Variants in CDH7 observed in about 807,000 individuals in gnomAD.
CDH7 encodes the protein cadherin 7, also known as cadherin-7.
Under a neutral mutation model 71.8 loss-of-function variants are expected in CDH7, and 25 were observed. The observed-to-expected ratio is 0.35, with a 90% CI of 0.25 to 0.49. The LOEUF is 0.49. Ranked by LOEUF, CDH7 falls within the 20% of genes least tolerant of loss-of-function variation. The pLI is 0.99. For missense variants in CDH7, 862 were observed against 974.6 expected, an observed-to-expected ratio of 0.88 and a Z score of 1.54; for synonymous variants, 381 against 363.8, an observed-to-expected ratio of 1.05 and a Z score of -0.54.
chr18:65,821,025 T>C (rs1599029393), intron 4 of CDH7, among the ~76,000 whole-genome samples: 2 of 152,220 alleles, frequency 1.3e-5, no homozygotes, highest in East Asian at 3.9e-4. Flanking sequence ...TTTTTTCATA[T>C]AAATGAAATA....
At chr18:65,796,454 C>T (rs1910918393) in intron 2 of CDH7, among the ~76,000 whole-genome samples, 1 of 152,192 alleles carries the variant, frequency 6.6e-6, no homozygotes. Context: ...AGAACTCAGT[C>T]TCCCATGCCT....
intron 11 of CDH7, among the ~76,000 whole-genome samples, chr18:65,877,909 G>A (rs1449264203): frequency 1.3e-5 from 2 of 152,034 alleles, no homozygotes; most frequent in African/African-American, 4.8e-5. Flanking sequence ...TTTCATACTT[G>A]TCAACTTTAG....
chr18:65,750,582 T>A (rs1356786903), upstream of CDH7: 3 of 152,134 alleles, frequency 2.0e-5, no homozygotes, highest in Admixed American at 6.5e-5. Context: ...GGTGCGCGCG[T>A]GTGTGTGTGC....
chr18:65,776,618 C>G (rs1477464351), intron 2 of CDH7, among the ~76,000 whole-genome samples: 4 of 152,104 alleles, frequency 2.6e-5, no homozygotes, highest in African/African-American at 9.7e-5. Context: ...TTCTCTCACT[C>G]TCTCTCCTTC....
At chr18:65,863,027 A>C (rs1052615972) in intron 11 of CDH7, 110 bp downstream of exon 11, 187 of 1,229,092 alleles carry the variant, frequency 1.5e-4, no homozygotes, top group Non-Finnish European at 1.9e-4. Context: ...ATTCTACTGG[A>C]TGGTGTTTGT....
At chr18:65,774,235 C>T (rs530426434) in intron 2 of CDH7, among the ~76,000 whole-genome samples, 1 of 151,770 alleles carries the variant, frequency 6.6e-6, no homozygotes, top group South Asian at 2.1e-4. Flanking sequence ...TTGAGGAAAA[C>T]AATCTAAGAA....
At chr18:65,870,746 T>A (rs1373842486) in intron 11 of CDH7, among the ~76,000 whole-genome samples, 1 of 152,190 alleles carries the variant, frequency 6.6e-6, no homozygotes, top group Non-Finnish European at 1.5e-5. Flanking sequence ...AGGAGTGTCC[T>A]AAGCACCATT....
chr18:65,825,211 C>G (rs1289402704), intron 6 of CDH7, among the ~76,000 whole-genome samples: 1 of 151,854 alleles, frequency 6.6e-6, no homozygotes, highest in Non-Finnish European at 1.5e-5. Flanking sequence ...CTATTATTTT[C>G]TCCATAAATG....
At chr18:65,830,749 C>G (rs954117200) in intron 6 of CDH7, among the ~76,000 whole-genome samples, 1 of 98,088 alleles carries the variant, frequency 1.0e-5, no homozygotes. Context: ...CTTTCTTCCT[C>G]TTTCTTTTCT....
intron 11 of CDH7, among the ~76,000 whole-genome samples, chr18:65,874,419 A>T (rs548606943): frequency 5.9e-5 from 9 of 152,008 alleles, no homozygotes; most frequent in African/African-American, 1.2e-4. Flanking sequence ...AAGTAGCCTT[A>T]GAAAGCCAAA....
intron 2 of CDH7, among the ~76,000 whole-genome samples, chr18:65,779,849 T>C (rs1910113180): frequency 1.4e-5 from 1 of 70,688 alleles, no homozygotes; most frequent in African/African-American, 1.2e-4. Context: ...AAATGGTATT[T>C]CTAGTTCTAG....
At chr18:65,856,083 A>G (rs959456601) in intron 7 of CDH7, among the ~76,000 whole-genome samples, 3 of 152,030 alleles carry the variant, frequency 2.0e-5, no homozygotes, top group African/African-American at 7.2e-5. Context: ...GGCAGCACCA[A>G]CTCACCATCC....
In CDH7 at chr18:65,882,876, AG is replaced by A. The variant is rs1343723368; in HGVS notation, c.*1983del. ...TGGTGCAGGAATTACAGAGTTGTTA[AG>A]TCAGCAAGGTGCTGAGAAAACAGTT... On this transcript the variant is annotated 3_prime_UTR_variant, in exon 12 of 12. Coordinates refer to ENST00000397968, the MANE Select transcript of CDH7 (RefSeq NM_004361.5). The A allele has an allele frequency of 6.6e-6, 1 of 152,142 alleles. No homozygotes were observed. Among genetic ancestry groups the A allele is most frequent in the African/African-American group, 2.4e-5 (1 of 41,458 alleles). The allele number at this position is 152,142 out of a possible 1,614,324, so 9.4% of individuals were successfully genotyped here.
chr18:65,806,773 C>T (rs1471769), intron 2 of CDH7, among the ~76,000 whole-genome samples: 91,747 of 151,940 alleles, frequency 0.6, 29,367 homozygotes, highest in East Asian at 0.97. Context: ...TTGCTGAGCA[C>T]TCTTTTTCAT....
chr18:65,799,436 G>A (rs1051783182), intron 2 of CDH7, among the ~76,000 whole-genome samples: 4 of 152,146 alleles, frequency 2.6e-5, no homozygotes, highest in African/African-American at 9.7e-5. Flanking sequence ...CCAGCACTTT[G>A]GGAGGCCGAG....
chr18:65,795,722 CAT>C (rs1345629740), intron 2 of CDH7, among the ~76,000 whole-genome samples: 1 of 152,090 alleles, frequency 6.6e-6, no homozygotes, highest in Non-Finnish European at 1.5e-5. Context: ...GTTCAGGTAA[CAT>C]ATTATATTGA....
chr18:65,835,668 G>A (rs369501062), intron 6 of CDH7, among the ~76,000 whole-genome samples: 1 of 152,170 alleles, frequency 6.6e-6, no homozygotes, highest in Admixed American at 6.5e-5. Flanking sequence ...GCGTAGTAAG[G>A]GAATTGGCCT....
At chr18:65,784,173 A>G (rs954853056) in intron 2 of CDH7, among the ~76,000 whole-genome samples, 1 of 142,778 alleles carries the variant, frequency 7.0e-6, no homozygotes, top group Non-Finnish European at 1.5e-5. Flanking sequence ...TTTGCTCTCA[A>G]ATCTCTAGGC....
rs2144083738 is a variant in CDH7 at position 65,885,884 on chromosome 18, T to C, written c.*4990T>C. On this transcript the variant is annotated 3_prime_UTR_variant, in exon 12 of 12. Transcript: ENST00000397968. Reference sequence around the variant, plus strand: ...ATTTATATTAAGGTAAGGATTTTGGTGGCTAAGGAAAGAACATTTAGCTGT... The same window carrying C: ...ATTTATATTAAGGTAAGGATTTTGGCGGCTAAGGAAAGAACATTTAGCTGT... 6.6e-6 allele frequency: 1 copy of C among 152,332 alleles called. No individual in the cohort carries two copies. The highest frequency in any genetic ancestry group is 2.4e-5 in the African/African-American group (1 of 41,578). The allele number at this position is 152,332 out of a possible 1,614,324, so 9.4% of individuals were successfully genotyped here.
Sources: gnomAD v4.1 joint callset for allele counts (sites outside exome capture counted in the v4.1 genomes callset) on GRCh38, gnomAD v4.1.1 for gene constraint, MANE v1.5 for transcripts, NCBI Gene and HGNC (gene_info 2026-07-23, HGNC 2026-07-21) for gene names.